Variants in PHC3 observed in about 807,000 individuals in gnomAD.
The protein encoded by PHC3 is polyhomeotic-like protein 3.
PHC3 carries 13 observed loss-of-function variants against 107.4 expected under a neutral mutation model. The ratio of observed to expected loss-of-function variants is 0.12; its 90% CI spans 0.08 to 0.19. The LOEUF is 0.19. PHC3 is among the 10% of genes least tolerant of loss of function. PHC3 has a pLI of 1.00. For synonymous variants in PHC3, 456 were observed against 427.4 expected (o/e 1.07, Z -0.83); for missense variants, 992 against 1,210.9 (o/e 0.82, Z 2.68).
At chr3:170,117,711 A>G (rs1719309784) in intron 9 of PHC3, among the ~76,000 whole-genome samples, 1 of 152,132 alleles carries the variant, frequency 6.6e-6, no homozygotes. Context: ...ACCTTTAACA[A>G]ATTGGGCCAG....
intron 6 of PHC3, among the ~76,000 whole-genome samples, chr3:170,139,766 G>A (rs1417201551): frequency 1.3e-5 from 2 of 152,126 alleles, no homozygotes; most frequent in African/African-American, 4.8e-5. Flanking sequence ...CACTGCCAAA[G>A]TATATTACAA....
At chr3:170,111,258 AGAAGAAG>A (rs1345063196) in intron 11 of PHC3, among the ~76,000 whole-genome samples, 121 of 139,698 alleles carry the variant, frequency 8.7e-4, no homozygotes, top group African/African-American at 2.2e-3. Flanking sequence ...CTTTAAAACA[AGAAGAAG>A]GAAGGAAGGA....
At chr3:170,123,502 A>G (rs1222788174) in intron 8 of PHC3, among the ~76,000 whole-genome samples, 10 of 152,120 alleles carry the variant, frequency 6.6e-5, no homozygotes, top group African/African-American at 1.9e-4. Context: ...TTAAGAAGGA[A>G]AATGGGGCCA....
rs1257866843 is a variant in PHC3, at chr3:170,102,817, T to A, written c.2586A>T (p.Glu862Asp). 6.2e-7 allele frequency: 1 copy of A among 1,613,934 alleles called. No homozygotes were observed. Among genetic ancestry groups the A allele is most frequent in the South Asian group, 1.1e-5 (1 of 91,082 alleles). Residue 862 changes from glutamate to aspartate, a missense_variant, in exon 13 of 15, where the codon GAA becomes GAT. Transcript: ENST00000495893. ...TTATACAGACCTGCCTAAGGATATGTTCTCTCGCTGCCCCATCAGGGCCAC... is the reference window on the plus strand; with the variant it reads ...TTATACAGACCTGCCTAAGGATATGATCTCTCGCTGCCCCATCAGGGCCAC... ...RPSGPDGAAR[E>D]HILRQLPITY... is the part of the protein sequence containing the mutation.
At position 170,129,558 on chromosome 3, in the gene PHC3, A is replaced by G. The variant is rs1721910980; in HGVS notation, c.920-6T>C. ...CTGAATTGGAGAATATGAAGCTGTG[A>G]GAGAAAAAAATGACAATTAGTACTG... On this transcript the variant is annotated splice_region_variant and splice_polypyrimidine_tract_variant and intron_variant, in intron 7 of 14. Coordinates refer to ENST00000495893, the MANE Select transcript of PHC3 (RefSeq NM_024947.4). 22 of 1,606,230 alleles carry G rather than the reference A, an allele frequency of 1.4e-5. No homozygotes were observed. The highest frequency in any genetic ancestry group is 1.4e-5 in the Non-Finnish European group (17 of 1,175,688).
intron 9 of PHC3, among the ~76,000 whole-genome samples, chr3:170,120,500 G>A (rs1421550213): frequency 6.6e-6 from 1 of 151,698 alleles, no homozygotes; most frequent in African/African-American, 2.4e-5. Flanking sequence ...TTGAACCCAG[G>A]AGGCGAAAGT....
In PHC3 at chr3:170,124,399, T is replaced by C. The variant is rs1049710251; in HGVS notation, c.1789-1655A>G. Among the ~76,000 whole-genome samples the C allele has an allele frequency of 2.2e-4, 33 of 152,298 alleles. No homozygotes were observed. The South Asian group carries it at 2.3e-3, about 11-fold the overall frequency. On this transcript the variant is annotated intron_variant, in intron 8 of 14. Transcript: ENST00000495893. ...AATCTTCCCATTAAAAAAGTGTTTT[T>C]TGAGAAAGGGTCTCACTCTGCTGCC...
chr3:170,126,506 A>ATG (rs1721267731), intron 8 of PHC3, among the ~76,000 whole-genome samples: 4 of 93,648 alleles, frequency 4.3e-5, no homozygotes, highest in African/African-American at 1.3e-4. Context: ...CTCCATATGT[A>ATG]TATATATATA....
At chr3:170,139,094 T>A (rs906418725) in intron 6 of PHC3, among the ~76,000 whole-genome samples, 2 of 152,222 alleles carry the variant, frequency 1.3e-5, no homozygotes, top group African/African-American at 4.8e-5. Context: ...ATAGCACAGA[T>A]GAATATCTAA....
chr3:170,111,304 A>AC lies in PHC3; in HGVS notation c.2353+2055_2353+2056insG, dbSNP rs1377138324. 4.1e-4 allele frequency among the ~76,000 whole-genome samples: 59 copies of AC among 143,680 alleles called. 1 individual carries two copies. Among genetic ancestry groups the AC allele is most frequent in the South Asian group, 3.8e-3 (17 of 4,472 alleles). The allele number at this position is 143,680 out of a possible 152,430, so 94.3% of individuals were successfully genotyped here. On this transcript the variant is annotated intron_variant, in intron 11 of 14. Transcript: ENST00000495893. ...AAGGAAGGAAGGAAGGAAGGAAGGAAGGAAGGAAGGAAGGAACGAACGAAC... is the reference window on the plus strand; with the variant it reads ...AAGGAAGGAAGGAAGGAAGGAAGGAACGGAAGGAAGGAAGGAACGAACGAAC...
In PHC3 at chr3:170,168,753, C is replaced by CAAAA. The variant is rs59152470; in HGVS notation, c.414+2616_414+2619dup. Among the ~76,000 whole-genome samples the CAAAA allele has an allele frequency of 3.0e-4, 23 of 77,046 alleles. No individual in the cohort carries two copies. The South Asian group carries it at 3.0e-3, about 10-fold the overall frequency. The allele number at this position is 77,046 out of a possible 152,430, so 50.5% of individuals were successfully genotyped here. A position where few individuals can be genotyped will look rare whatever the true frequency, so the allele number is the denominator to read the frequency against. On this transcript the variant is annotated intron_variant, in intron 4 of 14. Transcript: ENST00000495893. ...TGGGAGACAGAGCGAGACTCCGTCT[C>CAAAA]AAAAAAAAAAAAAAAAAAAAAATCA...
Position 170,113,486 on chromosome 3 carries a change from C to T in PHC3, c.2227G>A (p.Val743Met), listed in dbSNP as rs767953990. 2 of 1,611,702 alleles carry T rather than the reference C, an allele frequency of 1.2e-6. No individual in the cohort carries two copies. Among genetic ancestry groups the T allele is most frequent in the East Asian group, 2.2e-5 (1 of 44,726 alleles). Residue 743 changes from valine to methionine, a missense_variant, in exon 11 of 15, where the codon GTG becomes ATG. By Grantham distance (21) the Val-to-Met change is conservative. Around this residue, in one of 6 missense-constraint regions of PHC3, gnomAD observed 228 missense variants for 288.8 expected, o/e 0.79. Coordinates refer to ENST00000495893, the MANE Select transcript of PHC3 (RefSeq NM_024947.4). Reference protein sequence around the residue: ...SRSSLLIEQPVKKRPLLDNQV... With the variant: ...SRSSLLIEQPMKKRPLLDNQV... ...TTATCCAAAAGAGGCCGTTTTTTCACAGGCTGTTCTATTAGCAAAGAGGAA... is the reference window on the plus strand; with the variant it reads ...TTATCCAAAAGAGGCCGTTTTTTCATAGGCTGTTCTATTAGCAAAGAGGAA...
intron 4 of PHC3, among the ~76,000 whole-genome samples, chr3:170,151,550 T>C (rs1725973570): frequency 6.6e-6 from 1 of 152,224 alleles, no homozygotes; most frequent in Non-Finnish European, 1.5e-5. Flanking sequence ...AGGCAGTCTA[T>C]AAGGGTATCT....
intron 8 of PHC3, among the ~76,000 whole-genome samples, chr3:170,123,728 G>C (rs956701744): frequency 2.6e-5 from 4 of 152,010 alleles, no homozygotes; most frequent in African/African-American, 9.7e-5. Flanking sequence ...GGGAGGCAGA[G>C]GTTGCAGTGA....
At chr3:170,181,408 T>G (rs1374334474) in intron 1 of PHC3, among the ~76,000 whole-genome samples, 1 of 152,022 alleles carries the variant, frequency 6.6e-6, no homozygotes, top group East Asian at 1.9e-4. Flanking sequence ...CCCGGGCTCG[T>G]TCCCCGGAAA....
chr3:170,115,206 A>G (rs971149423), intron 10 of PHC3, among the ~76,000 whole-genome samples: 1 of 152,126 alleles, frequency 6.6e-6, no homozygotes, highest in African/African-American at 2.4e-5. Context: ...ATGTCCAACA[A>G]TAATGGAAAG....
At chr3:170,141,867 GAACTAGGATTAC>G (rs1260553643) in intron 6 of PHC3, among the ~76,000 whole-genome samples, 5 of 152,172 alleles carry the variant, frequency 3.3e-5, no homozygotes, top group African/African-American at 1.2e-4. Flanking sequence ...GCCTCCCAAA[GAACTAGGATTAC>G]AGGTGTGAGC....
Position 170,093,772 on chromosome 3 carries a change from T to C in PHC3, c.*3458A>G, listed in dbSNP as rs919390605. 1.3e-5 allele frequency: 2 copies of C among 152,222 alleles called. No individual in the cohort carries two copies. Among genetic ancestry groups the C allele is most frequent in the Admixed American group, 6.5e-5 (1 of 15,282 alleles). 9.4% of individuals were successfully genotyped at this position (152,222 alleles called of 1,614,324 possible). On this transcript the variant is annotated 3_prime_UTR_variant, in exon 15 of 15. Transcript: ENST00000495893. ...TCATTATAATTTTATACTTGATACA[T>C]GAAGATAAGCTACGTCAAAAATTAT...
At chr3:170,148,198 G>A (rs1560095898) in intron 5 of PHC3, 1 of 152,200 alleles carries the variant, frequency 6.6e-6, no homozygotes, top group Non-Finnish European at 1.5e-5. Flanking sequence ...GAACCCGGGA[G>A]GCAGAGGTTG....
Sources: allele counts gnomAD v4.1 joint callset (sites outside exome capture counted in the v4.1 genomes callset), GRCh38; gene constraint gnomAD v4.1.1; regional missense constraint gnomAD v4.1.1; transcripts MANE v1.5; gene names NCBI Gene and HGNC (gene_info 2026-07-23, HGNC 2026-07-21).